Variants in B3GALT1 observed in about 807,000 individuals in gnomAD.
B3GALT1 encodes beta-1,3-galactosyltransferase 1.
A neutral mutation model predicts 23.2 loss-of-function variants in B3GALT1; 10 were observed. That is an observed-to-expected ratio of 0.43 (90% CI 0.27 to 0.73). The LOEUF (loss-of-function observed/expected upper bound fraction) is 0.73. Among genes scored for constraint, B3GALT1 ranks in the 30% least tolerant of loss-of-function variants. The pLI is 0.21. For missense variants in B3GALT1, 299 were observed against 405.4 expected (o/e 0.74, Z 2.25); for synonymous variants, 156 against 141.5 (o/e 1.10, Z -0.73).
intron 4 of B3GALT1, among the ~76,000 whole-genome samples, chr2:167,859,389 A>C (rs947016002): frequency 6.6e-6 from 1 of 152,170 alleles, no homozygotes; most frequent in Non-Finnish European, 1.5e-5. Context: ...CTAGGGCAAC[A>C]CATTGATTTG....
intron 3 of B3GALT1, among the ~76,000 whole-genome samples, chr2:167,790,018 A>G (rs1257744552): frequency 6.6e-6 from 1 of 152,198 alleles, no homozygotes; most frequent in Non-Finnish European, 1.5e-5. Flanking sequence ...ATAACTAAAG[A>G]CAATTACAAG....
intron 4 of B3GALT1, among the ~76,000 whole-genome samples, chr2:167,854,241 A>G (rs1048205360): frequency 6.6e-6 from 1 of 152,162 alleles, no homozygotes; most frequent in Admixed American, 6.5e-5. Flanking sequence ...AATAGAGACA[A>G]TGGTGTGTGG....
At chr2:167,725,552 A>G (rs72876847) in intron 3 of B3GALT1, among the ~76,000 whole-genome samples, 4,571 of 152,304 alleles carry the variant, frequency 0.03, 111 homozygotes, top group Non-Finnish European at 0.045. Context: ...CAGTTTTTAG[A>G]AAACAGAAGC....
At chr2:167,671,086 C>T (rs2122083) in intron 3 of B3GALT1, among the ~76,000 whole-genome samples, 1 of 151,940 alleles carries the variant, frequency 6.6e-6, no homozygotes, top group Non-Finnish European at 1.5e-5. Flanking sequence ...GTGACAAGAC[C>T]AAGAAGGTCA....
intron 1 of B3GALT1, among the ~76,000 whole-genome samples, chr2:167,478,519 G>A (rs951839738): frequency 6.6e-6 from 1 of 151,630 alleles, no homozygotes; most frequent in Non-Finnish European, 1.5e-5. Flanking sequence ...AAAAACAAAA[G>A]CAAATGGCAG....
chr2:167,561,502 T>G (rs1683987513), intron 2 of B3GALT1, among the ~76,000 whole-genome samples: 1 of 151,814 alleles, frequency 6.6e-6, no homozygotes, highest in Admixed American at 6.6e-5. Flanking sequence ...CTTCAAAAAA[T>G]TAATGAATCC....
intron 3 of B3GALT1, among the ~76,000 whole-genome samples, chr2:167,708,111 T>A (rs1307318384): frequency 6.6e-6 from 1 of 152,194 alleles, no homozygotes; most frequent in Non-Finnish European, 1.5e-5. Flanking sequence ...ACACATGGTG[T>A]CTCTGCTCTG....
At chr2:167,315,114 A>G (rs1696692210) in intron 1 of B3GALT1, among the ~76,000 whole-genome samples, 1 of 152,184 alleles carries the variant, frequency 6.6e-6, no homozygotes, top group Non-Finnish European at 1.5e-5. Flanking sequence ...TTGAAATATT[A>G]GTTAACTCTT....
At chr2:167,642,613 A>T (rs1219063308) in intron 2 of B3GALT1, among the ~76,000 whole-genome samples, 1 of 152,190 alleles carries the variant, frequency 6.6e-6, no homozygotes, top group East Asian at 1.9e-4. Flanking sequence ...GCAGTGGCTC[A>T]TGCCTATAAT....
intron 2 of B3GALT1, among the ~76,000 whole-genome samples, chr2:167,586,836 G>C (rs1027475390): frequency 1.3e-5 from 2 of 152,106 alleles, no homozygotes; most frequent in African/African-American, 4.8e-5. Context: ...ACAAGGGCGT[G>C]CCTATTCAAA....
chr2:167,444,281 G>T (rs541395095), intron 1 of B3GALT1, among the ~76,000 whole-genome samples: 102 of 152,298 alleles, frequency 6.7e-4, no homozygotes, highest in African/African-American at 2.4e-3. Flanking sequence ...CTATTTTATT[G>T]AGGATTTTTG....
chr2:167,557,788 G>T (rs560800865), intron 2 of B3GALT1, among the ~76,000 whole-genome samples: 12 of 152,308 alleles, frequency 7.9e-5, no homozygotes, highest in Non-Finnish European at 1.5e-4. Context: ...GACATCATTG[G>T]CTTGACTGGA....
At chr2:167,746,419 G>A (rs887372305) in intron 3 of B3GALT1, among the ~76,000 whole-genome samples, 1 of 152,170 alleles carries the variant, frequency 6.6e-6, no homozygotes, top group African/African-American at 2.4e-5. Context: ...GCCCTCTCAA[G>A]CCTTTTTTCT....
intron 1 of B3GALT1, among the ~76,000 whole-genome samples, chr2:167,427,613 T>C (rs1165273803): frequency 6.6e-6 from 1 of 152,210 alleles, no homozygotes; most frequent in African/African-American, 2.4e-5. Context: ...TGCAGTTGAC[T>C]GCAGCCTCGA....
At chr2:167,414,697 G>A (rs985788283) in intron 1 of B3GALT1, among the ~76,000 whole-genome samples, 9 of 152,184 alleles carry the variant, frequency 5.9e-5, no homozygotes, top group African/African-American at 2.2e-4. Flanking sequence ...TGAACCTAGG[G>A]TAATGCCCAC....
chr2:167,484,263 A>C (rs921799179), intron 1 of B3GALT1, among the ~76,000 whole-genome samples: 2 of 152,152 alleles, frequency 1.3e-5, no homozygotes, highest in East Asian at 3.8e-4. Context: ...AGCAATTACT[A>C]TACCAGGTAC....
chr2:167,300,834 T>G (rs1696432392), intron 1 of B3GALT1, among the ~76,000 whole-genome samples: 1 of 152,102 alleles, frequency 6.6e-6, no homozygotes, highest in South Asian at 2.1e-4. Context: ...AGAAACATAA[T>G]GGGGAAAAGA....
chr2:167,803,298 C>A (rs1022899402), intron 3 of B3GALT1, among the ~76,000 whole-genome samples: 3 of 152,184 alleles, frequency 2.0e-5, no homozygotes, highest in Non-Finnish European at 4.4e-5. Context: ...AACAAATAGA[C>A]TTCCTATTCC....
At chr2:167,561,239 A>G (rs377541394) in intron 2 of B3GALT1, among the ~76,000 whole-genome samples, 6 of 152,324 alleles carry the variant, frequency 3.9e-5, no homozygotes, top group East Asian at 3.9e-4. Context: ...AGACATAAAG[A>G]TGTTCTTTAT....
Sources: gnomAD v4.1 joint callset for allele counts (sites outside exome capture counted in the v4.1 genomes callset) on GRCh38, gnomAD v4.1.1 for gene constraint, MANE v1.5 for transcripts, NCBI Gene and HGNC (gene_info 2026-07-23, HGNC 2026-07-21) for gene names.